The following ATRNL1 variants were observed in gnomAD, a reference collection of about 807,000 sequenced individuals.
The protein encoded by ATRNL1 is attractin like 1.
A neutral mutation model predicts 182.7 loss-of-function variants in ATRNL1; 95 were observed. That is an observed-to-expected ratio of 0.52 (90% CI 0.44 to 0.62). ATRNL1 has a LOEUF of 0.62. Among genes scored for constraint, ATRNL1 ranks in the 20% least tolerant of loss-of-function variants. ATRNL1 has a pLI of 0.00. For missense variants in ATRNL1, 1,471 were observed against 1,679.5 expected (o/e 0.88, Z 2.17); for synonymous variants, 576 against 568.3 (o/e 1.01, Z -0.19).
At chr10:115,103,660 T>C (rs1554865200) in intron 1 of ATRNL1, among the ~76,000 whole-genome samples, 1 of 152,194 alleles carries the variant, frequency 6.6e-6, no homozygotes, top group African/African-American at 2.4e-5. Flanking sequence ...AATTATACTT[T>C]CTACCCATTA....
At chr10:115,620,886 G>A (rs782485142) in intron 26 of ATRNL1, among the ~76,000 whole-genome samples, 5 of 152,000 alleles carry the variant, frequency 3.3e-5, no homozygotes, top group Non-Finnish European at 7.4e-5. Flanking sequence ...ATCTTATCAT[G>A]GCTGTAAACC....
chr10:115,451,673 T>C (rs1257505006), intron 21 of ATRNL1, among the ~76,000 whole-genome samples: 2 of 152,114 alleles, frequency 1.3e-5, no homozygotes, highest in Admixed American at 1.3e-4. Flanking sequence ...GAGTGTAAAT[T>C]AGTTCACCCA....
At chr10:115,432,573 G>A (rs1846221972) in intron 21 of ATRNL1, among the ~76,000 whole-genome samples, 1 of 152,120 alleles carries the variant, frequency 6.6e-6, no homozygotes, top group African/African-American at 2.4e-5. Context: ...AAGCAATTGA[G>A]TGCAATGTGG....
intron 21 of ATRNL1, among the ~76,000 whole-genome samples, chr10:115,433,882 A>G (rs1846281428): frequency 6.6e-6 from 1 of 152,192 alleles, no homozygotes; most frequent in Non-Finnish European, 1.5e-5. Context: ...GGAAGGAAAT[A>G]AAAATGTCCA....
intron 26 of ATRNL1, among the ~76,000 whole-genome samples, chr10:115,598,348 A>ATTTATTTATTTATTTATTTATTT (rs1565201465): frequency 8.8e-5 from 3 of 34,024 alleles, no homozygotes; most frequent in African/African-American, 3.3e-4. Flanking sequence ...TTATTTAAAA[A>ATTTATTTATTTATTTATTTATTT]AATTATTTAT....
At position 115,947,785 on chromosome 10, in the gene ATRNL1, C is replaced by A; in HGVS notation, c.*3006C>A. Reference sequence around the variant, plus strand: ...TTTAGGGTGCACACTGGCACACAGGCTGGAAAACGGGCACTGGACCCAGCT... The same window carrying A: ...TTTAGGGTGCACACTGGCACACAGGATGGAAAACGGGCACTGGACCCAGCT... On this transcript the variant is annotated 3_prime_UTR_variant, in exon 29 of 29. Transcript: ENST00000355044. 1 of 152,334 alleles carries A rather than the reference C, an allele frequency of 6.6e-6. No individual in the cohort carries two copies. The highest frequency in any genetic ancestry group is 1.5e-5 in the Non-Finnish European group (1 of 68,052). 9.4% of individuals were successfully genotyped at this position (152,334 alleles called of 1,614,324 possible).
chr10:115,125,472 A>G (rs1318877793), intron 3 of ATRNL1, among the ~76,000 whole-genome samples: 1 of 151,992 alleles, frequency 6.6e-6, no homozygotes, highest in Admixed American at 6.6e-5. Flanking sequence ...GAATGTGGAG[A>G]ATGCATTGGA....
chr10:115,357,432 A>C (rs1298235441), intron 19 of ATRNL1, among the ~76,000 whole-genome samples: 3 of 151,888 alleles, frequency 2.0e-5, no homozygotes, highest in African/African-American at 7.2e-5. Context: ...ATGAATACTA[A>C]TTAGTGATGG....
chr10:115,661,865 C>CA lies in ATRNL1; in HGVS notation c.3796-65382dup, dbSNP rs573615577. 5.5e-4 allele frequency among the ~76,000 whole-genome samples: 84 copies of CA among 152,028 alleles called. No individual in the cohort carries two copies. In the East Asian group the frequency reaches 0.012, roughly 22 times the overall value. On this transcript the variant is annotated intron_variant, in intron 26 of 28. Coordinates refer to ENST00000355044, the MANE Select transcript of ATRNL1 (RefSeq NM_207303.4). ...ATACCTGTGCCAGGTTGGTGTGCTG[C>CA]ACCCATTACCTCGTTATTTAACACG...
intron 8 of ATRNL1, among the ~76,000 whole-genome samples, chr10:115,181,578 A>G (rs1847747599): frequency 6.6e-6 from 1 of 151,728 alleles, no homozygotes; most frequent in South Asian, 2.1e-4. Flanking sequence ...GTGGAATTTA[A>G]ATGTTGTTAT....
chr10:115,663,671 G>A (rs1860833067), intron 26 of ATRNL1, among the ~76,000 whole-genome samples: 1 of 152,014 alleles, frequency 6.6e-6, no homozygotes, highest in African/African-American at 2.4e-5. Context: ...TGAGTTCAAT[G>A]TAGTCATATG....
intron 20 of ATRNL1, among the ~76,000 whole-genome samples, chr10:115,395,057 T>C (rs1316044780): frequency 2.6e-5 from 4 of 151,950 alleles, no homozygotes; most frequent in African/African-American, 9.7e-5. Context: ...GTGTCTGTTG[T>C]TCCCATCTTT....
intron 20 of ATRNL1, among the ~76,000 whole-genome samples, chr10:115,417,982 C>T (rs782635321): frequency 3.3e-5 from 5 of 152,172 alleles, no homozygotes; most frequent in Non-Finnish European, 7.3e-5. Context: ...CTGGAATAAA[C>T]ACCTGATCTC....
At chr10:115,148,909 C>T (rs1292939870) in intron 5 of ATRNL1, among the ~76,000 whole-genome samples, 2 of 151,950 alleles carry the variant, frequency 1.3e-5, no homozygotes, top group Non-Finnish European at 2.9e-5. Flanking sequence ...GCCACCACAC[C>T]CAGGTAATTT....
At chr10:115,652,907 G>T (rs1002084680) in intron 26 of ATRNL1, among the ~76,000 whole-genome samples, 1 of 151,948 alleles carries the variant, frequency 6.6e-6, no homozygotes, top group African/African-American at 2.4e-5. Context: ...CTTCAATTTA[G>T]TAAAAAGGAA....
At chr10:115,102,948 G>A (rs187818646) in intron 1 of ATRNL1, among the ~76,000 whole-genome samples, 310 of 151,390 alleles carry the variant, frequency 2.0e-3, no homozygotes, top group African/African-American at 7.3e-3. Context: ...CTTCATTGCA[G>A]TATGTTTTTT....
chr10:115,727,199 A>G lies in ATRNL1; in HGVS notation c.3796-49A>G, dbSNP rs782066249. 2.3e-6 allele frequency: 3 copies of G among 1,331,760 alleles called. 1 individual carries two copies. In the South Asian group the frequency reaches 3.5e-5, roughly 16 times the overall value. The allele number at this position is 1,331,760 out of a possible 1,614,324, so 82.5% of individuals were successfully genotyped here. A position where few individuals can be genotyped will look rare whatever the true frequency, so the allele number is the denominator to read the frequency against. ...AGGGAACCAGATATTGTTGAATTTCATGTGCTTTTAAACCTATTTTAAGAT... is the reference window on the plus strand; with the variant it reads ...AGGGAACCAGATATTGTTGAATTTCGTGTGCTTTTAAACCTATTTTAAGAT... On this transcript the variant is annotated intron_variant, in intron 26 of 28. Transcript: ENST00000355044.
rs1554862120 is a variant in ATRNL1, at chr10:115,093,600, C to G, written c.-151C>G. The G allele has an allele frequency of 1.1e-6, 1 of 892,836 alleles. No homozygotes were observed. 55.3% of individuals were successfully genotyped at this position (892,836 alleles called of 1,614,324 possible). On this transcript the variant is annotated 5_prime_UTR_variant, in exon 1 of 29. Transcript: ENST00000355044. This position sits in a 1 kb window ranked among gnomAD's most constrained non-coding sequence, Gnocchi z 6.1. ...GGAGGCGACGGCGGTTGGGATCTGT[C>G]CCTCCTGACCGGGGAGCGGGACTCG...
intron 27 of ATRNL1, among the ~76,000 whole-genome samples, chr10:115,773,254 G>A (rs1949038879): frequency 6.6e-6 from 1 of 152,140 alleles, no homozygotes; most frequent in Non-Finnish European, 1.5e-5. Flanking sequence ...TCTACCATTA[G>A]CAATTCATTC....
Sources: gnomAD v4.1 joint callset for allele counts (sites outside exome capture counted in the v4.1 genomes callset) on GRCh38, gnomAD v4.1.1 for gene constraint, Gnocchi (gnomAD v3.1) non-coding constraint, MANE v1.5 for transcripts, NCBI Gene and HGNC (gene_info 2026-07-23, HGNC 2026-07-21) for gene names.